XYLB: variants seen among roughly 807,000 people sequenced by gnomAD.
XYLB encodes xylulokinase.
Under a neutral mutation model 78.7 loss-of-function variants are expected in XYLB, and 62 were observed. The ratio of observed to expected loss-of-function variants is 0.79; its 90% CI spans 0.64 to 0.97. The LOEUF is 0.97. Among genes scored for constraint, XYLB ranks in the 50% least tolerant of loss-of-function variants. XYLB has a pLI of 0.00. For synonymous variants in XYLB, 245 were observed against 247.4 expected, an observed-to-expected ratio of 0.99 and a Z score of 0.09; for missense variants, 687 against 676.8, an observed-to-expected ratio of 1.02 and a Z score of -0.17.
intron 15 of XYLB, 87 bp from the exon 16 acceptor site, chr3:38,395,418 T>C: frequency 8.0e-7 from 1 of 1,248,658 alleles, no homozygotes; most frequent in South Asian, 1.3e-5. Flanking sequence ...TCATGAGCCC[T>C]CTGTAGCTGA....
Position 38,398,056 on chromosome 3 carries a change from G to A in XYLB, c.1438+897G>A, listed in dbSNP as rs1489562584. On this transcript the variant is annotated intron_variant, in intron 17 of 18. Coordinates refer to ENST00000207870, the MANE Select transcript of XYLB (RefSeq NM_005108.4). ...GATGGTCTCGATCTCCTGACTTTGT[G>A]ATCTGCCCACCTTGGCCTCCCAAAG... Among the ~76,000 whole-genome samples the A allele has an allele frequency of 2.6e-5, 4 of 151,500 alleles. No individual in the cohort carries two copies. The East Asian group carries it at 8.0e-4, about 30-fold the overall frequency.
intron 8 of XYLB, 141 bp from the exon 9 acceptor site, chr3:38,369,915 C>T: frequency 2.7e-6 from 2 of 750,258 alleles, no homozygotes; most frequent in Non-Finnish European, 4.7e-6. Context: ...TAGAACAACA[C>T]AAGCATATAT....
At chr3:38,358,706 T>C (rs1377688998) in intron 2 of XYLB, among the ~76,000 whole-genome samples, 1 of 152,178 alleles carries the variant, frequency 6.6e-6, no homozygotes, top group African/African-American at 2.4e-5. Context: ...TTTATCTGTT[T>C]TGTGAAGGCA....
Position 38,351,692 on chromosome 3 carries a change from C to T in XYLB, c.140+3060C>T, listed in dbSNP as rs537822508. Reference sequence around the variant, plus strand: ...CAAGCGATGCCTCCTTCCCCATACCCCTACCCACTGGCAACCGCTGATGTG... The same window carrying T: ...CAAGCGATGCCTCCTTCCCCATACCTCTACCCACTGGCAACCGCTGATGTG... On this transcript the variant is annotated intron_variant, in intron 2 of 18. Transcript: ENST00000207870. 4.6e-5 allele frequency among the ~76,000 whole-genome samples: 7 copies of T among 152,318 alleles called. No homozygotes were observed. The East Asian group carries it at 1.2e-3, about 25-fold the overall frequency.
intron 11 of XYLB, 106 bp from the exon 12 acceptor site, chr3:38,375,038 G>A (rs754789255): frequency 2.0e-5 from 17 of 866,680 alleles, no homozygotes; most frequent in Non-Finnish European, 3.1e-5. Flanking sequence ...TCTGCAGCAT[G>A]AGTGAAGTGA....
chr3:38,350,126 GAC>G (rs1460547450), intron 2 of XYLB, among the ~76,000 whole-genome samples: 1 of 152,178 alleles, frequency 6.6e-6, no homozygotes, highest in African/African-American at 2.4e-5. Flanking sequence ...GTCTGTTTTA[GAC>G]ACACTTCCTC....
Position 38,346,900 on chromosome 3 carries a change from T to C in XYLB, c.32T>C (p.Leu11Pro). The C allele has an allele frequency of 2.6e-6, 4 of 1,519,054 alleles. No individual in the cohort carries two copies. The South Asian group carries it at 3.7e-5, about 14-fold the overall frequency. 94.1% of individuals were successfully genotyped at this position (1,519,054 alleles called of 1,614,324 possible). A position where few individuals can be genotyped will look rare whatever the true frequency, so the allele number is the denominator to read the frequency against. ...GAGCACGCCCCTCGCCGCTGCTGCC[T>C]GGGCTGGGACTTCAGCACGCAGCAG... MAEHAPRRCC[L>P]GWDFSTQQVK... Residue 11 changes from leucine to proline, a missense_variant, in exon 1 of 19, where the codon CTG becomes CCG. Coordinates refer to ENST00000207870, the MANE Select transcript of XYLB (RefSeq NM_005108.4).
chr3:38,420,784 T>C (rs1046467920), downstream of XYLB, among the ~76,000 whole-genome samples: 3 of 152,162 alleles, frequency 2.0e-5, no homozygotes, highest in Non-Finnish European at 2.9e-5. Flanking sequence ...CCTAACCCTG[T>C]CATAAACAGG....
intron 6 of XYLB, 92 bp downstream of exon 6, chr3:38,365,828 G>A (rs1445626140): frequency 6.9e-7 from 1 of 1,459,766 alleles, no homozygotes; most frequent in East Asian, 2.5e-5. Flanking sequence ...ATCACATGAG[G>A]TCATGGAGGT....
chr3:38,382,243 G>A (rs1025256800), intron 15 of XYLB, among the ~76,000 whole-genome samples: 1 of 152,196 alleles, frequency 6.6e-6, no homozygotes, highest in Non-Finnish European at 1.5e-5. Context: ...CTACTCAGGA[G>A]ACTGAGGTGG....
At chr3:38,443,897 C>A in the XYLB span, among the ~76,000 whole-genome samples, 22 of 152,220 alleles carry the variant, frequency 1.4e-4, no homozygotes, top group East Asian at 4.2e-3. Context: ...CCTTCTAGAA[C>A]ACAGGTCAAC....
intron 15 of XYLB, among the ~76,000 whole-genome samples, chr3:38,390,459 C>T (rs1021589859): frequency 1.3e-5 from 2 of 152,134 alleles, no homozygotes; most frequent in African/African-American, 4.8e-5. Flanking sequence ...GGTGGTCTTC[C>T]TGCCTCGGCC....
chr3:38,396,750 T>C (rs1707885759), intron 16 of XYLB, among the ~76,000 whole-genome samples: 1 of 152,178 alleles, frequency 6.6e-6, no homozygotes. Flanking sequence ...GTTAGTCTAA[T>C]ACCCAGCTGT....
At chr3:38,436,077 T>C in the XYLB span, among the ~76,000 whole-genome samples, 1 of 151,660 alleles carries the variant, frequency 6.6e-6, no homozygotes, top group Non-Finnish European at 1.5e-5. Flanking sequence ...GGAATAAAGA[T>C]CAGAGCAGAA....
chr3:38,448,283 A>G, the XYLB span, among the ~76,000 whole-genome samples: 1 of 152,156 alleles, frequency 6.6e-6, no homozygotes, highest in Admixed American at 6.5e-5. Context: ...AAAGGGTACA[A>G]ACATACAGAT....
At chr3:38,416,347 TATTAA>T (rs1460249933), downstream of XYLB, among the ~76,000 whole-genome samples, 2 of 152,188 alleles carry the variant, frequency 1.3e-5, no homozygotes, top group African/African-American at 4.8e-5. Context: ...TGTACTATAC[TATTAA>T]TAGTATAGAA....
chr3:38,394,966 C>T (rs1369045243), intron 15 of XYLB, among the ~76,000 whole-genome samples: 1 of 152,164 alleles, frequency 6.6e-6, no homozygotes, highest in African/African-American at 2.4e-5. Context: ...TGATCTGTGT[C>T]AGAGCGAGAT....
the XYLB span, among the ~76,000 whole-genome samples, chr3:38,441,140 C>T: frequency 3.9e-5 from 6 of 152,242 alleles, no homozygotes; most frequent in Admixed American, 1.3e-4. Flanking sequence ...ACTGTAATAA[C>T]GCCATGATTT....
chr3:38,385,357 G>A (rs572705479), intron 15 of XYLB, among the ~76,000 whole-genome samples: 1 of 152,058 alleles, frequency 6.6e-6, no homozygotes, highest in Non-Finnish European at 1.5e-5. Flanking sequence ...TTTCCCTTGA[G>A]CATGTTAGCT....
Sources: allele counts gnomAD v4.1 joint callset (sites outside exome capture counted in the v4.1 genomes callset), GRCh38; gene constraint gnomAD v4.1.1; transcripts MANE v1.5; gene names NCBI Gene and HGNC (gene_info 2026-07-23, HGNC 2026-07-21).